SLC38A8: variants seen among roughly 807,000 people sequenced by gnomAD.
SLC38A8 encodes the protein solute carrier family 38 member 8, also known as amino acid transporter SLC38A8.
In SLC38A8, 65 loss-of-function variants were observed where a neutral mutation model predicts 46.0. The observed-to-expected ratio is 1.41, with a 90% CI of 1.16 to 1.74. SLC38A8 has a LOEUF of 1.74. SLC38A8 is among the 40% of genes most tolerant of loss of function. SLC38A8 has a pLI of 0.00. For synonymous variants in SLC38A8, 447 were observed against 243.7 expected (o/e 1.83, Z -7.77); for missense variants, 998 against 567.9 (o/e 1.76, Z -7.70).
chr16:84,030,981 C>G (rs2085231286), intron 5 of SLC38A8, among the ~76,000 whole-genome samples: 1 of 152,200 alleles, frequency 6.6e-6, no homozygotes, highest in South Asian at 2.1e-4. Context: ...CACTTGGTCT[C>G]TGTTGCTGCC....
At position 84,012,958 on chromosome 16, in the gene SLC38A8, C is replaced by A. The variant is rs373981480; in HGVS notation, c.1214+43G>T. ...TCCCCTGAAACATTCTTACTCTGAT[C>A]CGGGGCACACCCAGGGTGCCACCTC... On this transcript the variant is annotated intron_variant, in intron 10 of 10. Coordinates refer to ENST00000299709, the MANE Select transcript of SLC38A8 (RefSeq NM_001080442.3). 8 of 1,604,296 alleles carry A rather than the reference C, an allele frequency of 5.0e-6. No individual in the cohort carries two copies. In the African/African-American group the frequency reaches 1.1e-4, roughly 21 times the overall value.
intron 6 of SLC38A8, among the ~76,000 whole-genome samples, chr16:84,027,359 TAAAA>T (rs946282649): frequency 2.0e-5 from 3 of 149,980 alleles, no homozygotes; most frequent in South Asian, 2.1e-4. Context: ...AAAGCAAAAT[TAAAA>T]CAAACAAACA....
chr16:84,033,611 G>GTCTCC, intron 3 of SLC38A8, 142 bp from the exon 4 acceptor site: 1 of 905,276 alleles, frequency 1.1e-6, no homozygotes, highest in Non-Finnish European at 1.6e-6. Flanking sequence ...CGACAAGTGA[G>GTCTCC]ATGGAGACAG....
intron 6 of SLC38A8, among the ~76,000 whole-genome samples, chr16:84,023,598 G>A (rs4782874): frequency 0.24 from 37,182 of 152,092 alleles, 7,578 homozygotes; most frequent in African/African-American, 0.53. Flanking sequence ...GAACACCACA[G>A]GAAGCCACAT....
intron 10 of SLC38A8, among the ~76,000 whole-genome samples, chr16:84,012,443 A>G (rs907952694): frequency 6.6e-6 from 1 of 152,236 alleles, no homozygotes; most frequent in Non-Finnish European, 1.5e-5. Context: ...CAGGTGGGTT[A>G]GCATGGGGCC....
intron 6 of SLC38A8, 152 bp from the exon 7 acceptor site, chr16:84,023,041 A>G (rs2085114262): frequency 1.7e-6 from 1 of 591,100 alleles, no homozygotes; most frequent in Non-Finnish European, 2.9e-6. Flanking sequence ...AATTCACAGT[A>G]CACCCCCAAC....
chr16:84,035,913 T>A (rs2085294955), intron 3 of SLC38A8, among the ~76,000 whole-genome samples: 2 of 152,214 alleles, frequency 1.3e-5, no homozygotes, highest in African/African-American at 4.8e-5. Context: ...GCAATGACGA[T>A]CTGAACACAG....
chr16:84,020,829 G>C (rs2085086662), intron 7 of SLC38A8, among the ~76,000 whole-genome samples: 1 of 152,124 alleles, frequency 6.6e-6, no homozygotes. Context: ...AATCTCCTTA[G>C]CAAAAGGCCA....
intron 2 of SLC38A8, 28 bp from the exon 3 acceptor site, chr16:84,036,928 T>C (rs1247208414): frequency 6.3e-7 from 1 of 1,584,600 alleles, no homozygotes; most frequent in Non-Finnish European, 8.6e-7. Context: ...GACCTGGAAC[T>C]GGGGTGTGCC....
chr16:84,032,762 G>C (rs896678760), intron 4 of SLC38A8, among the ~76,000 whole-genome samples: 2 of 152,246 alleles, frequency 1.3e-5, no homozygotes, highest in Admixed American at 6.5e-5. Flanking sequence ...GCAGGCAGCA[G>C]AGGGAGATGG....
At chr16:84,029,913 C>A (rs182391882) in intron 5 of SLC38A8, among the ~76,000 whole-genome samples, 1 of 152,148 alleles carries the variant, frequency 6.6e-6, no homozygotes, top group East Asian at 1.9e-4. Flanking sequence ...CCAGTGATCC[C>A]AAATAGCACA....
rs533429760 is a variant in SLC38A8 at position 84,017,479 on chromosome 16, C to A, written c.806-192G>T. On this transcript the variant is annotated intron_variant, in intron 7 of 10. Transcript: ENST00000299709. ...ATGACTGTGCTCCAGGGATTCAAGA[C>A]CCCTGCAGACAAATCCGCCACTTAT... is the stretch of plus-strand genomic sequence containing the variant. Among the ~76,000 whole-genome samples, 13 of 152,314 alleles carry A rather than the reference C, an allele frequency of 8.5e-5. No individual in the cohort carries two copies. The East Asian group carries it at 2.3e-3, about 27-fold the overall frequency.
Position 84,036,709 on chromosome 16 carries a change from C to G in SLC38A8, c.381G>C (p.Leu127=). Residue 127 remains leucine, a synonymous_variant, in exon 3 of 11, where the codon CTG becomes CTC. Coordinates refer to ENST00000299709, the MANE Select transcript of SLC38A8 (RefSeq NM_001080442.3). ...TCCCATGAAGGTACTTACGCTTCTC[C>G]AGCTGGTCCCCGATCACCCTGAGGA... ...VAFLRVIGDQ[L]EKLCDSLLSG... 6.2e-7 allele frequency: 1 copy of G among 1,614,168 alleles called. No homozygotes were observed. Among genetic ancestry groups the G allele is most frequent in the Non-Finnish European group, 8.5e-7 (1 of 1,180,034 alleles).
rs765844556 is a variant in SLC38A8 at position 84,022,857 on chromosome 16, G to A, written c.723C>T (p.Ser241=). ...AGTGGGAGAGGCTCCGTTTGCGCAT[G>A]CTGCAGTAGATGGAGACGGCAGCTT... ...CHEAAVSIYC[S]MRKRSLSHWA... is the part of the protein sequence containing the mutation. Residue 241 remains serine (S), a synonymous_variant, in exon 7 of 11, where the codon AGC becomes AGT. Coordinates refer to ENST00000299709, the MANE Select transcript of SLC38A8 (RefSeq NM_001080442.3). 4 of 1,609,798 alleles carry A rather than the reference G, an allele frequency of 2.5e-6. No individual in the cohort carries two copies. The East Asian group carries it at 6.7e-5, about 27-fold the overall frequency.
Position 84,029,499 on chromosome 16 carries a change from A to G in SLC38A8, c.685T>C (p.Phe229Leu). 1 of 1,614,056 alleles carries G rather than the reference A, an allele frequency of 6.2e-7. No homozygotes were observed. Among genetic ancestry groups the G allele is most frequent in the Non-Finnish European group, 8.5e-7 (1 of 1,179,984 alleles). The change falls in exon 6 of 11, where the codon TTT (phenylalanine) becomes CTT (leucine). Residue 229 changes from phenylalanine (F) to leucine (L), a missense_variant. Transcript: ENST00000299709. ...AACACAGATGCTAAAATTACCTGAA[A>G]CCCGAAGCAGATGGTGGGGAAGACA... ...FSVFPTICFG[F>L]QCHEAAVSIY...
At chr16:84,038,478 A>T (rs77888785) in intron 2 of SLC38A8, among the ~76,000 whole-genome samples, 23 of 152,054 alleles carry the variant, frequency 1.5e-4, no homozygotes, top group Non-Finnish European at 2.9e-4. Flanking sequence ...ATGGATCAGC[A>T]TTTTGAAGCA....
At chr16:84,040,323 G>C (rs1159542666) in intron 2 of SLC38A8, among the ~76,000 whole-genome samples, 2 of 152,148 alleles carry the variant, frequency 1.3e-5, no homozygotes, top group Non-Finnish European at 2.9e-5. Context: ...TTCACCTCAG[G>C]GTTCCCTTCT....
Position 84,024,538 on chromosome 16 carries a change from T to A in SLC38A8, c.691-1649A>T, listed in dbSNP as rs2085138102. The stretch of plus-strand genomic sequence containing the variant: ...GCTCACGCCTGTAATCCCAGCACTT[T>A]GGGAGGCCAAGGCGTGTGGATCACC... On this transcript the variant is annotated intron_variant, in intron 6 of 10. Coordinates refer to ENST00000299709, the MANE Select transcript of SLC38A8 (RefSeq NM_001080442.3). Among the ~76,000 whole-genome samples the A allele has an allele frequency of 3.3e-5, 5 of 151,532 alleles. 1 individual carries two copies. In the South Asian group the frequency reaches 1.1e-3, roughly 32 times the overall value.
chr16:84,026,312 C>T (rs1205760975), intron 6 of SLC38A8, among the ~76,000 whole-genome samples: 1 of 152,224 alleles, frequency 6.6e-6, no homozygotes, highest in Non-Finnish European at 1.5e-5. Flanking sequence ...TCACTGCAAC[C>T]TCCACATCCT....
Sources: gnomAD v4.1 joint callset for allele counts (sites outside exome capture counted in the v4.1 genomes callset) on GRCh38, gnomAD v4.1.1 for gene constraint, MANE v1.5 for transcripts, NCBI Gene and HGNC (gene_info 2026-07-23, HGNC 2026-07-21) for gene names.